The following CACNA2D3 variants were observed in gnomAD, a reference collection of about 807,000 sequenced individuals.
CACNA2D3 encodes the protein voltage-dependent calcium channel subunit alpha-2/delta-3.
Under a neutral mutation model 160.6 loss-of-function variants are expected in CACNA2D3, and 60 were observed. The ratio of observed to expected loss-of-function variants is 0.37; its 90% CI spans 0.30 to 0.46. The LOEUF is 0.46. CACNA2D3 is among the 20% of genes least tolerant of loss of function. The pLI is 1.00. For missense variants in CACNA2D3, 1,205 were observed against 1,365.0 expected, an observed-to-expected ratio of 0.88 and a Z score of 1.85; for synonymous variants, 558 against 492.9, an observed-to-expected ratio of 1.13 and a Z score of -1.75.
At chr3:54,326,998 A>G (rs1473197333) in intron 3 of CACNA2D3, among the ~76,000 whole-genome samples, 1 of 152,186 alleles carries the variant, frequency 6.6e-6, no homozygotes, top group Non-Finnish European at 1.5e-5. Flanking sequence ...ATGTAAGGAA[A>G]TTTAGAGCAA....
chr3:54,339,860 T>C (rs952508702), intron 3 of CACNA2D3, among the ~76,000 whole-genome samples: 1 of 152,224 alleles, frequency 6.6e-6, no homozygotes, highest in Non-Finnish European at 1.5e-5. Flanking sequence ...GGGTGGAAAG[T>C]CATAGGAGGT....
chr3:54,764,365 G>C lies in CACNA2D3; in HGVS notation c.1380+14G>C. On this transcript the variant is annotated intron_variant, in intron 13 of 37. Coordinates refer to ENST00000474759, the MANE Select transcript of CACNA2D3 (RefSeq NM_018398.3). Reference sequence around the variant, plus strand: ...ATTGACAGCACTGTGAGTCCACGGGGCCCTGGGAAAGAGGCTAAGCTTTAC... The same window carrying C: ...ATTGACAGCACTGTGAGTCCACGGGCCCCTGGGAAAGAGGCTAAGCTTTAC... The C allele has an allele frequency of 6.2e-7, 1 of 1,613,386 alleles. No homozygotes were observed. Among genetic ancestry groups the C allele is most frequent in the Non-Finnish European group, 8.5e-7 (1 of 1,179,512 alleles).
intron 2 of CACNA2D3, among the ~76,000 whole-genome samples, chr3:54,222,502 G>A (rs545534973): frequency 7.9e-5 from 12 of 152,282 alleles, no homozygotes; most frequent in African/African-American, 2.4e-4. Flanking sequence ...ATTAGGGAGG[G>A]CAATCTTCTT....
In CACNA2D3 at chr3:54,902,940, A is replaced by G. The variant is rs114859470; in HGVS notation, c.2449+3072A>G. Among the ~76,000 whole-genome samples, 372 of 152,338 alleles carry G rather than the reference A, an allele frequency of 2.4e-3. 2 individuals are homozygous for G. Among genetic ancestry groups the G allele is most frequent in the African/African-American group, 8.5e-3 (353 of 41,564 alleles). On this transcript the variant is annotated intron_variant, in intron 27 of 37. Transcript: ENST00000474759. ...GCATATTCATTCATTCAATAAATAAATATTTCCTGAGCCTCTGCTTTTGCC... is the reference window on the plus strand; with the variant it reads ...GCATATTCATTCATTCAATAAATAAGTATTTCCTGAGCCTCTGCTTTTGCC...
chr3:54,326,925 G>A (rs191457072), intron 3 of CACNA2D3, among the ~76,000 whole-genome samples: 1 of 152,236 alleles, frequency 6.6e-6, no homozygotes, highest in Non-Finnish European at 1.5e-5. Flanking sequence ...TTATGTTGAT[G>A]TATCTTGTCT....
intron 11 of CACNA2D3, among the ~76,000 whole-genome samples, chr3:54,694,135 A>G (rs914477527): frequency 6.6e-6 from 1 of 152,190 alleles, no homozygotes; most frequent in African/African-American, 2.4e-5. Context: ...TGCCCTATAC[A>G]GGAGTTCCAT....
intron 5 of CACNA2D3, among the ~76,000 whole-genome samples, chr3:54,537,721 G>A (rs368063842): frequency 3.0e-3 from 456 of 152,180 alleles, no homozygotes; most frequent in African/African-American, 0.01. Flanking sequence ...ATTTGAACCT[G>A]GCTGTTTGTT....
rs551693609 is a variant in CACNA2D3 at position 54,902,252 on chromosome 3, G to T, written c.2449+2384G>T. On this transcript the variant is annotated intron_variant, in intron 27 of 37. Coordinates refer to ENST00000474759, the MANE Select transcript of CACNA2D3 (RefSeq NM_018398.3). ...CCCAGGCCTGACCTGGTCATCTCAT[G>T]TTCATTGGCTATATATGTCTGGGGT... Among the ~76,000 whole-genome samples, 7 of 152,286 alleles carry T rather than the reference G, an allele frequency of 4.6e-5. No homozygotes were observed. The South Asian group carries it at 1.5e-3, about 32-fold the overall frequency.
chr3:54,228,466 A>G (rs138507298), intron 2 of CACNA2D3, among the ~76,000 whole-genome samples: 230 of 152,366 alleles, frequency 1.5e-3, no homozygotes, highest in African/African-American at 5.1e-3. Flanking sequence ...TAAAAAGATT[A>G]AACAAGTATT....
chr3:54,391,384 TG>T (rs1699277150), intron 4 of CACNA2D3, among the ~76,000 whole-genome samples: 1 of 152,192 alleles, frequency 6.6e-6, no homozygotes, highest in East Asian at 1.9e-4. Context: ...AAAACTGTAT[TG>T]GGGCAAGAGG....
At chr3:54,660,217 G>A (rs531453066) in intron 11 of CACNA2D3, among the ~76,000 whole-genome samples, 1 of 150,604 alleles carries the variant, frequency 6.6e-6, no homozygotes, top group Non-Finnish European at 1.5e-5. Flanking sequence ...CTGGAGTGCA[G>A]TGGCACCATC....
At chr3:54,988,486 C>T (rs1017650698) in intron 31 of CACNA2D3, among the ~76,000 whole-genome samples, 1 of 152,186 alleles carries the variant, frequency 6.6e-6, no homozygotes, top group African/African-American at 2.4e-5. Context: ...ATGCTGTCTC[C>T]CTTCCCTTGG....
intron 13 of CACNA2D3, among the ~76,000 whole-genome samples, chr3:54,775,254 GA>G (rs563299643): frequency 8.1e-4 from 124 of 152,254 alleles, no homozygotes; most frequent in African/African-American, 2.6e-3. Flanking sequence ...CTTGTTGGTA[GA>G]ATCCGAAACC....
intron 2 of CACNA2D3, among the ~76,000 whole-genome samples, chr3:54,187,349 C>A (rs1258568165): frequency 2.0e-5 from 3 of 152,164 alleles, no homozygotes; most frequent in Non-Finnish European, 4.4e-5. Context: ...TAGACAGAAA[C>A]TACAGAGATT....
At chr3:54,569,892 G>A in intron 7 of CACNA2D3, 37 bp downstream of exon 7, 1 of 1,612,370 alleles carries the variant, frequency 6.2e-7, no homozygotes, top group Non-Finnish European at 8.5e-7. Flanking sequence ...ATTTCTCAAA[G>A]AGATATCTTG....
intron 11 of CACNA2D3, among the ~76,000 whole-genome samples, chr3:54,721,709 C>T (rs1364432034): frequency 2.1e-5 from 3 of 142,598 alleles, no homozygotes; most frequent in South Asian, 2.2e-4. Flanking sequence ...TGCAGTGAGC[C>T]GAGATTGCAC....
At chr3:54,707,350 A>T (rs137863311) in intron 11 of CACNA2D3, among the ~76,000 whole-genome samples, 1 of 152,300 alleles carries the variant, frequency 6.6e-6, no homozygotes, top group African/African-American at 2.4e-5. Flanking sequence ...CATTATGTTC[A>T]TTGGATGTTC....
intron 13 of CACNA2D3, among the ~76,000 whole-genome samples, chr3:54,804,057 A>G (rs1347137128): frequency 1.4e-4 from 21 of 152,278 alleles, no homozygotes; most frequent in African/African-American, 2.9e-4. Context: ...TGAAGGAAGC[A>G]CTAAACATGG....
At chr3:54,642,855 G>C (rs1185802871) in intron 11 of CACNA2D3, among the ~76,000 whole-genome samples, 1 of 152,182 alleles carries the variant, frequency 6.6e-6, no homozygotes, top group Non-Finnish European at 1.5e-5. Context: ...GGTTTCTCAA[G>C]CTGTTATCTT....
Sources: gnomAD v4.1 joint callset for allele counts (sites outside exome capture counted in the v4.1 genomes callset) on GRCh38, gnomAD v4.1.1 for gene constraint, MANE v1.5 for transcripts, NCBI Gene and HGNC (gene_info 2026-07-23, HGNC 2026-07-21) for gene names.